Variants in LRRC66 observed in about 807,000 individuals in gnomAD.
LRRC66 encodes leucine rich repeat containing 66.
LRRC66 carries 29 observed loss-of-function variants against 24.6 expected under a neutral mutation model. The ratio of observed to expected loss-of-function variants is 1.18; its 90% CI spans 0.88 to 1.61. The LOEUF (loss-of-function observed/expected upper bound fraction) is 1.61. Ranked by LOEUF, LRRC66 falls within the 40% of genes most tolerant of loss-of-function variation. The pLI is 0.00. For missense variants in LRRC66, 1,124 were observed against 1,058.0 expected (o/e 1.06, Z -0.87); for synonymous variants, 411 against 397.6 (o/e 1.03, Z -0.40).
chr4:52,005,030 T>C (rs1232633017), intron 2 of LRRC66, among the ~76,000 whole-genome samples: 1 of 152,212 alleles, frequency 6.6e-6, no homozygotes, highest in Admixed American at 6.5e-5. Context: ...TTTGTTTGCA[T>C]GTCTATCAGA....
At chr4:51,998,493 C>T (rs143592804) in intron 3 of LRRC66, among the ~76,000 whole-genome samples, 3,069 of 152,280 alleles carry the variant, frequency 0.02, 48 homozygotes, top group Non-Finnish European at 0.03. Flanking sequence ...AAGTAATCCT[C>T]CCCAGGCCTT....
chr4:52,002,492 G>A (rs1236810889), intron 3 of LRRC66, among the ~76,000 whole-genome samples: 1 of 152,136 alleles, frequency 6.6e-6, no homozygotes, highest in African/African-American at 2.4e-5. Context: ...GTGGAGAAAA[G>A]TGCTTGGAGG....
At chr4:52,016,081 C>T (rs1028522895) in intron 2 of LRRC66, among the ~76,000 whole-genome samples, 11 of 152,104 alleles carry the variant, frequency 7.2e-5, no homozygotes, top group Non-Finnish European at 1.5e-4. Context: ...TTCATTTACA[C>T]TGAAAATATG....
chr4:51,997,735 A>G lies in LRRC66; in HGVS notation c.856+13T>C, dbSNP rs770352924. On this transcript the variant is annotated intron_variant, in intron 4 of 4. Transcript: ENST00000682860. Reference sequence around the variant, plus strand: ...ATAAATGGAGCCTTTTCAGAGAGACATTACTGACTTACCTATAGACCTGTT... The same window carrying G: ...ATAAATGGAGCCTTTTCAGAGAGACGTTACTGACTTACCTATAGACCTGTT... 5.6e-6 allele frequency: 9 copies of G among 1,609,106 alleles called. No individual in the cohort carries two copies. The highest frequency in any genetic ancestry group is 6.8e-6 in the Non-Finnish European group (8 of 1,176,034).
chr4:52,010,085 T>G (rs1316082249), intron 2 of LRRC66, among the ~76,000 whole-genome samples: 2 of 152,168 alleles, frequency 1.3e-5, no homozygotes, highest in African/African-American at 4.8e-5. Context: ...GAAACCCATA[T>G]GATCATCTCA....
Position 52,017,297 on chromosome 4 carries a change from G to C in LRRC66, c.317C>G (p.Ala106Gly). The change falls in exon 2 of 5, where the codon GCA becomes GGA. Residue 106 changes from alanine to glycine, a missense_variant. Coordinates refer to ENST00000682860, the MANE Select transcript of LRRC66 (RefSeq NM_001024611.3). ...LISKITLSPF[A>G]YLHALEVLNL... is the part of the protein sequence containing the mutation. ...TAACACTTCCAAAGCATGTAAATAT[G>C]CAAAAGGGCTTAAGGTTATTTTTGA... 6.2e-7 allele frequency: 1 copy of C among 1,614,132 alleles called. No individual in the cohort carries two copies. Among genetic ancestry groups the C allele is most frequent in the Non-Finnish European group, 8.5e-7 (1 of 1,180,012 alleles).
In LRRC66 at chr4:51,995,015, A is replaced by T; in HGVS notation, c.2007T>A (p.Phe669Leu). 1.9e-6 allele frequency: 3 copies of T among 1,614,056 alleles called. No homozygotes were observed. The highest frequency in any genetic ancestry group is 2.5e-6 in the Non-Finnish European group (3 of 1,180,026). The change falls in exon 5 of 5, where the codon TTT (phenylalanine) becomes TTA (leucine). Residue 669 changes from phenylalanine (F) to leucine (L), a missense_variant. Coordinates refer to ENST00000682860, the MANE Select transcript of LRRC66 (RefSeq NM_001024611.3). ...CCAGGCCACTGTCCCATCTTGGAGG[A>T]AAGACTGATGGGCCTGTGTCTCTTG... ...GDPRDTGPSV[F>L]PPRWDSGLDV...
In LRRC66 at chr4:51,994,415, A is replaced by C. The variant is rs770543622; in HGVS notation, c.2607T>G (p.Ala869=). 2.5e-6 allele frequency: 4 copies of C among 1,613,100 alleles called. No individual in the cohort carries two copies. Among genetic ancestry groups the C allele is most frequent in the Non-Finnish European group, 3.4e-6 (4 of 1,179,750 alleles). ...TGTCTGAGTCTCTTTCATGGAAGGCAGCCTTATCAGGATCTGAGGGAACTT... is the reference window on the plus strand; with the variant it reads ...TGTCTGAGTCTCTTTCATGGAAGGCCGCCTTATCAGGATCTGAGGGAACTT... ...SAEVPSDPDK[A]AFHERDSDIL... is the part of the protein sequence containing the mutation. Residue 869 remains alanine, a synonymous_variant, in exon 5 of 5, where the codon GCT becomes GCG. Coordinates refer to ENST00000682860, the MANE Select transcript of LRRC66 (RefSeq NM_001024611.3).
chr4:52,015,442 G>A (rs1373540975), intron 2 of LRRC66, among the ~76,000 whole-genome samples: 1 of 152,136 alleles, frequency 6.6e-6, no homozygotes, highest in Non-Finnish European at 1.5e-5. Flanking sequence ...TAGAGTATAC[G>A]ATTCGATGCC....
chr4:52,005,354 G>A (rs1173600061), intron 2 of LRRC66, among the ~76,000 whole-genome samples: 6 of 152,146 alleles, frequency 3.9e-5, no homozygotes, highest in Non-Finnish European at 7.3e-5. Context: ...AAGAAAACAG[G>A]CTGGGCGCAG....
Position 51,995,888 on chromosome 4 carries a change from C to A in LRRC66, c.1134G>T (p.Ala378=). 2 of 1,614,130 alleles carry A rather than the reference C, an allele frequency of 1.2e-6. No homozygotes were observed. Among genetic ancestry groups the A allele is most frequent in the Non-Finnish European group, 8.5e-7 (1 of 1,180,036 alleles). ...ATGTGATGAACACTGACAGGCACAC[C>A]GCCAGAGCCAGGTCCTGGGGAGCGT... ...KEDAPQDLAL[A]VCLSVFITFL... Residue 378 remains alanine, a synonymous_variant, in exon 5 of 5, where the codon GCG becomes GCT. Coordinates refer to ENST00000682860, the MANE Select transcript of LRRC66 (RefSeq NM_001024611.3).
In LRRC66 at chr4:51,997,164, C is replaced by T. The variant is rs569973315; in HGVS notation, c.856+584G>A. ...GTAGTTAAGAGTGAAAACAAGCTTC[C>T]CAGAATGTTCAGCCCCAGTAACATA... On this transcript the variant is annotated intron_variant, in intron 4 of 4. Transcript: ENST00000682860. Among the ~76,000 whole-genome samples the T allele has an allele frequency of 2.0e-5, 3 of 152,178 alleles. No homozygotes were observed. In the South Asian group the frequency reaches 6.2e-4, roughly 32 times the overall value.
intron 2 of LRRC66, among the ~76,000 whole-genome samples, chr4:52,012,904 A>G (rs1326923505): frequency 6.6e-6 from 1 of 152,230 alleles, no homozygotes; most frequent in Non-Finnish European, 1.5e-5. Flanking sequence ...CTTAGTAAAT[A>G]CTCCTTCTGT....
chr4:52,003,470 G>A, intron 2 of LRRC66, 78 bp from the exon 3 acceptor site: 1 of 1,261,998 alleles, frequency 7.9e-7, no homozygotes, highest in Non-Finnish European at 1.1e-6. Flanking sequence ...TGAAAAATTG[G>A]AGACAACATT....
chr4:51,995,997 C>T lies in LRRC66; in HGVS notation c.1025G>A (p.Gly342Asp), dbSNP rs17081784. The T allele has an allele frequency of 6.2e-7, 1 of 1,613,942 alleles. No homozygotes were observed. The highest frequency in any genetic ancestry group is 2.2e-5 in the East Asian group (1 of 44,826). ...ISTLGKKAKA[G>D]SGLRKKQRRL... is the part of the protein sequence containing the mutation. ...TCTCTGCTTCTTCCTGAGACCAGAG[C>T]CGGCCTTTGCCTTCTTCCCCAGAGT... is the stretch of plus-strand genomic sequence containing the variant. The change falls in exon 5 of 5, where the codon GGC becomes GAC. Residue 342 changes from glycine (G) to aspartate (D), a missense_variant. Physicochemically the swap from Gly to Asp is moderately conservative, Grantham distance 94 (BLOSUM62 -1). Coordinates refer to ENST00000682860, the MANE Select transcript of LRRC66 (RefSeq NM_001024611.3).
chr4:52,014,590 C>T (rs1303551298), intron 2 of LRRC66, among the ~76,000 whole-genome samples: 2 of 152,148 alleles, frequency 1.3e-5, no homozygotes, highest in African/African-American at 4.8e-5. Flanking sequence ...AGGGCATGCC[C>T]TAGGCAGCAT....
At chr4:52,004,435 A>G (rs994061414) in intron 2 of LRRC66, among the ~76,000 whole-genome samples, 2 of 152,214 alleles carry the variant, frequency 1.3e-5, no homozygotes, top group Non-Finnish European at 2.9e-5. Flanking sequence ...TTCCAGGAAA[A>G]TAATCAAATT....
In LRRC66 at chr4:51,994,965, G is replaced by A; in HGVS notation, c.2057C>T (p.Pro686Leu). The change falls in exon 5 of 5, where the codon CCA becomes CTA. Residue 686 changes from proline (P) to leucine (L), a missense_variant. By Grantham distance (98) the Pro-to-Leu change is moderately conservative (BLOSUM62 -3). Transcript: ENST00000682860. The part of the protein sequence containing the change: ...GLDVTPANKE[P>L]VQKSTPSDTC... ...GTCAGAAGGAGTGGATTTCTGCACT[G>A]GTTCCTTGTTAGCAGGAGTGACATC... 6.2e-7 allele frequency: 1 copy of A among 1,614,144 alleles called. No individual in the cohort carries two copies. The highest frequency in any genetic ancestry group is 8.5e-7 in the Non-Finnish European group (1 of 1,180,036).
At chr4:52,003,991 T>A (rs1411615868) in intron 2 of LRRC66, among the ~76,000 whole-genome samples, 1 of 152,170 alleles carries the variant, frequency 6.6e-6, no homozygotes, top group African/African-American at 2.4e-5. Context: ...CTTCCAGTTT[T>A]AAGATTTTTC....
Sources: allele counts gnomAD v4.1 joint callset (sites outside exome capture counted in the v4.1 genomes callset), GRCh38; gene constraint gnomAD v4.1.1; transcripts MANE v1.5; gene names NCBI Gene and HGNC (gene_info 2026-07-23, HGNC 2026-07-21).